The following OC90 variants were observed in gnomAD, a reference collection of about 807,000 sequenced individuals.
OC90 encodes the protein otoconin-90.
Under a neutral mutation model 47.3 loss-of-function variants are expected in OC90, and 46 were observed. The observed-to-expected ratio is 0.97, with a 90% confidence interval of 0.77 to 1.24. The LOEUF is 1.24. OC90 is among the 50% of genes most tolerant of loss of function. The pLI is 0.00. For missense variants in OC90, 688 were observed against 583.9 expected, an observed-to-expected ratio of 1.18 and a Z score of -1.84; for synonymous variants, 271 against 219.5, an observed-to-expected ratio of 1.23 and a Z score of -2.07.
chr8:132,033,300 G>T, intron 10 of OC90, 136 bp from the exon 11 acceptor site: 1 of 837,170 alleles, frequency 1.2e-6, no homozygotes, highest in Non-Finnish European at 1.9e-6. Flanking sequence ...TGGGTTTGCA[G>T]ATGTCCAGGC....
chr8:132,024,902 C>T, intron 13 of OC90, 126 bp from the exon 14 acceptor site: 1 of 726,280 alleles, frequency 1.4e-6, no homozygotes, highest in East Asian at 2.7e-5. Context: ...TCAGGGTATC[C>T]ACCTTATATG....
chr8:132,024,384 A>T lies in OC90; in HGVS notation c.*97T>A. On this transcript the variant is annotated 3_prime_UTR_variant, in exon 14 of 14. Coordinates refer to ENST00000254627, the MANE Select transcript of OC90 (RefSeq NM_001080399.3). Reference sequence around the variant, plus strand: ...CCCCGCCTCTGAGTTAAAGGAAGGGAAGAAGGCTCCAAGGGACAGAGGAGG... The same window carrying T: ...CCCCGCCTCTGAGTTAAAGGAAGGGTAGAAGGCTCCAAGGGACAGAGGAGG... The T allele has an allele frequency of 9.9e-7, 1 of 1,009,054 alleles. No individual in the cohort carries two copies. The highest frequency in any genetic ancestry group is 2.5e-5 in the East Asian group (1 of 39,380). 62.5% of individuals were successfully genotyped at this position (1,009,054 alleles called of 1,614,324 possible). A position where few individuals can be genotyped will look rare whatever the true frequency, so the allele number is the denominator to read the frequency against.
chr8:132,027,330 G>T (rs1586704824), intron 13 of OC90, among the ~76,000 whole-genome samples: 1 of 152,170 alleles, frequency 6.6e-6, no homozygotes, highest in Admixed American at 6.5e-5. Flanking sequence ...ACGGATGAAT[G>T]AGTGAATGAA....
chr8:132,058,535 C>T (rs1284782553), intron 1 of OC90, among the ~76,000 whole-genome samples: 1 of 152,212 alleles, frequency 6.6e-6, no homozygotes, highest in African/African-American at 2.4e-5. Flanking sequence ...TCGGACAGAC[C>T]TGGGCTGGGG....
At chr8:132,045,649 C>A (rs1002683081) in intron 3 of OC90, among the ~76,000 whole-genome samples, 169 bp downstream of exon 3, 1 of 152,126 alleles carries the variant, frequency 6.6e-6, no homozygotes, top group African/African-American at 2.4e-5. Flanking sequence ...GGGCCAGACA[C>A]CAGGGGAGAT....
Position 132,027,196 on chromosome 8 carries a change from T to G in OC90, c.1138+1877A>C, listed in dbSNP as rs150241920. Among the ~76,000 whole-genome samples, 112 of 152,302 alleles carry G rather than the reference T, an allele frequency of 7.4e-4. No individual in the cohort carries two copies. The East Asian group carries it at 0.017, about 23-fold the overall frequency. ...TAGTACATACTACATGAGATTAGAA[T>G]AGTTAGTCGCTTGCCTACATCACTT... On this transcript the variant is annotated intron_variant, in intron 13 of 13. Coordinates refer to ENST00000254627, the MANE Select transcript of OC90 (RefSeq NM_001080399.3).
rs1337509189 is a variant in OC90, at chr8:132,024,259, A to G, written c.*222T>C. 1 of 476,994 alleles carries G rather than the reference A, an allele frequency of 2.1e-6. No individual in the cohort carries two copies. Among genetic ancestry groups the G allele is most frequent in the African/African-American group, 1.9e-5 (1 of 52,554 alleles). The allele number at this position is 476,994 out of a possible 1,614,324, so 29.5% of individuals were successfully genotyped here. A position where few individuals can be genotyped will look rare whatever the true frequency, so the allele number is the denominator to read the frequency against. ...TTGAGCTTCCACAGTGCACTAAAGGAGCATGGAGGTACCATGGTGTGCCTT... is the reference window on the plus strand; with the variant it reads ...TTGAGCTTCCACAGTGCACTAAAGGGGCATGGAGGTACCATGGTGTGCCTT... On this transcript the variant is annotated 3_prime_UTR_variant, in exon 14 of 14. Coordinates refer to ENST00000254627, the MANE Select transcript of OC90 (RefSeq NM_001080399.3).
At chr8:132,034,862 G>T in intron 9 of OC90, 28 bp from the exon 10 acceptor site, 1 of 1,591,202 alleles carries the variant, frequency 6.3e-7, no homozygotes, top group Non-Finnish European at 8.6e-7. Context: ...GAGACAGCAT[G>T]AGCATCCACC....
chr8:132,024,510 A>T lies in OC90; in HGVS notation c.1405T>A (p.Leu469Met), dbSNP rs1437846728. The change falls in exon 14 of 14, where the codon TTG becomes ATG. Residue 469 changes from leucine to methionine, a missense_variant. Physicochemically the swap from Leu to Met is conservative, Grantham distance 15 (BLOSUM62 2). Coordinates refer to ENST00000254627, the MANE Select transcript of OC90 (RefSeq NM_001080399.3). ...KRFLRKSLGPLGIGPLHGR is the reference protein window; with the variant it reads ...KRFLRKSLGPMGIGPLHGR ...CTTCCATGAAGAGGCCCGATCCCCA[A>T]GGGACCCAGTGACTTCCGCAGAAAC... 10 of 1,580,930 alleles carry T rather than the reference A, an allele frequency of 6.3e-6. No individual in the cohort carries two copies. The East Asian group carries it at 2.3e-4, about 36-fold the overall frequency.
chr8:132,050,570 A>C (rs1456568447), intron 2 of OC90, among the ~76,000 whole-genome samples: 5 of 152,266 alleles, frequency 3.3e-5, no homozygotes, highest in African/African-American at 1.2e-4. Context: ...TAGAGGCTTC[A>C]CTTTCCTACA....
chr8:132,038,346 C>T (rs570677437), intron 8 of OC90, among the ~76,000 whole-genome samples: 15 of 152,120 alleles, frequency 9.9e-5, no homozygotes, highest in Admixed American at 1.3e-4. Context: ...CTGGAGAGTG[C>T]GTGGAGAAAG....
chr8:132,028,938 G>A, intron 13 of OC90, 135 bp downstream of exon 13: 1 of 602,420 alleles, frequency 1.7e-6, no homozygotes, highest in Non-Finnish European at 3.0e-6. Flanking sequence ...GGGAAGGAAG[G>A]AAGGAAAAGA....
chr8:132,053,569 G>A (rs868624932), intron 2 of OC90, among the ~76,000 whole-genome samples: 1 of 152,200 alleles, frequency 6.6e-6, no homozygotes, highest in Admixed American at 6.5e-5. Flanking sequence ...GGATTTCATG[G>A]TATTATGTAT....
intron 2 of OC90, among the ~76,000 whole-genome samples, chr8:132,051,991 A>G (rs7831988): frequency 0.25 from 38,066 of 152,200 alleles, 5,685 homozygotes; most frequent in Non-Finnish European, 0.32. Context: ...CCTAAACAAA[A>G]CAGGCTGATT....
chr8:132,030,069 A>G (rs571901350), intron 12 of OC90, among the ~76,000 whole-genome samples: 40 of 152,332 alleles, frequency 2.6e-4, no homozygotes, highest in African/African-American at 9.6e-4. Context: ...TTGTATGCTC[A>G]CATAGCCACT....
Position 132,049,778 on chromosome 8 carries a change from C to A in OC90, c.47-3895G>T, listed in dbSNP as rs373795591. 121 of 505,528 alleles carry A rather than the reference C, an allele frequency of 2.4e-4. No individual in the cohort carries two copies. In the East Asian group the frequency reaches 5.9e-3, roughly 25 times the overall value. 31.3% of individuals were successfully genotyped at this position (505,528 alleles called of 1,614,324 possible). A position where few individuals can be genotyped will look rare whatever the true frequency, so the allele number is the denominator to read the frequency against. On this transcript the variant is annotated intron_variant, in intron 2 of 13. Coordinates refer to ENST00000254627, the MANE Select transcript of OC90 (RefSeq NM_001080399.3). ...GAGGTTGCATTTCTCAGCTTGAGCT[C>A]AAGCCAAACCACTTAATGAACAATT...
In OC90 at chr8:132,031,407, T is replaced by C. The variant is rs182102588; in HGVS notation, c.1031+474A>G. Among the ~76,000 whole-genome samples, 223 of 152,230 alleles carry C rather than the reference T, an allele frequency of 1.5e-3. 2 individuals are homozygous for C. The highest frequency in any genetic ancestry group is 5.3e-3 in the African/African-American group (220 of 41,538). ...CTTTCAAGAGTGGTACACATGGAAA[T>C]TACAGTTATATTTAAAAGGTGTTGA... On this transcript the variant is annotated intron_variant, in intron 12 of 13. Transcript: ENST00000254627.
intron 1 of OC90, among the ~76,000 whole-genome samples, chr8:132,056,001 C>A (rs1407990009): frequency 2.0e-5 from 3 of 152,186 alleles, no homozygotes; most frequent in Non-Finnish European, 4.4e-5. Flanking sequence ...GGTTGGTTGT[C>A]TTGTGCATAT....
At chr8:132,056,036 G>A (rs1365735946) in intron 1 of OC90, among the ~76,000 whole-genome samples, 1 of 152,104 alleles carries the variant, frequency 6.6e-6, no homozygotes, top group African/African-American at 2.4e-5. Flanking sequence ...ATGTTTTTGG[G>A]ACAAAGTATG....
Sources: allele counts gnomAD v4.1 joint callset (sites outside exome capture counted in the v4.1 genomes callset), GRCh38; gene constraint gnomAD v4.1.1; transcripts MANE v1.5; gene names NCBI Gene and HGNC (gene_info 2026-07-23, HGNC 2026-07-21).